ERICH1: variants seen among roughly 807,000 people sequenced by gnomAD.
The protein encoded by ERICH1 is glutamate-rich protein 1.
In ERICH1, 56 loss-of-function variants were observed where a neutral mutation model predicts 39.6. The observed-to-expected ratio is 1.41, with a 90% CI of 1.14 to 1.77. ERICH1 has a LOEUF of 1.77. Ranked by LOEUF, ERICH1 falls within the 40% of genes most tolerant of loss-of-function variation. The pLI, the probability that ERICH1 is intolerant of heterozygous loss-of-function variation, is 0.00. For missense variants in ERICH1, 826 were observed against 575.4 expected (o/e 1.44, Z -4.45); for synonymous variants, 313 against 223.6 (o/e 1.40, Z -3.57).
chr8:705,058 G>A (rs1212685301), intron 2 of ERICH1, among the ~76,000 whole-genome samples: 1 of 152,190 alleles, frequency 6.6e-6, no homozygotes, highest in Non-Finnish European at 1.5e-5. Flanking sequence ...TTATCTTTGG[G>A]ACAAATGGAA....
intron 1 of ERICH1, among the ~76,000 whole-genome samples, chr8:730,707 A>G (rs1258446572): frequency 6.6e-6 from 1 of 152,218 alleles, no homozygotes; most frequent in Non-Finnish European, 1.5e-5. Context: ...TCAGATGAGG[A>G]CACAGTGGCT....
intron 3 of ERICH1, among the ~76,000 whole-genome samples, chr8:691,975 G>C (rs1809001184): frequency 1.3e-5 from 2 of 152,138 alleles, no homozygotes; most frequent in Non-Finnish European, 2.9e-5. Flanking sequence ...CGTATTAAGA[G>C]AATATTGTAT....
intron 3 of ERICH1, among the ~76,000 whole-genome samples, chr8:678,170 G>C (rs1208131021): frequency 6.6e-6 from 1 of 151,946 alleles, no homozygotes; most frequent in Non-Finnish European, 1.5e-5. Context: ...AAAGAGACTG[G>C]ACATCCTTTT....
At chr8:693,045 T>C (rs1225562802) in intron 2 of ERICH1, among the ~76,000 whole-genome samples, 1 of 152,008 alleles carries the variant, frequency 6.6e-6, no homozygotes, top group Non-Finnish European at 1.5e-5. Flanking sequence ...ACAACATGTG[T>C]ACACTGTGGC....
chr8:690,988 G>A (rs1472257623), intron 3 of ERICH1: 3 of 152,332 alleles, frequency 2.0e-5, no homozygotes, highest in Non-Finnish European at 4.4e-5. Context: ...GTCAGAGAGA[G>A]AGGGGTCCCA....
intron 2 of ERICH1, among the ~76,000 whole-genome samples, chr8:698,342 C>T (rs146485898): frequency 1.3e-5 from 2 of 152,106 alleles, no homozygotes; most frequent in East Asian, 3.9e-4. Context: ...CCTCAGTCTC[C>T]CGAGTACCTG....
chr8:618,753 G>A (rs150015954), intron 3 of ERICH1, among the ~76,000 whole-genome samples: 67 of 152,200 alleles, frequency 4.4e-4, no homozygotes, highest in African/African-American at 1.1e-3. Context: ...TGGTGTCGTG[G>A]ACTACCCTGC....
At chr8:632,750 C>G (rs1798121567) in intron 3 of ERICH1, among the ~76,000 whole-genome samples, 1 of 152,160 alleles carries the variant, frequency 6.6e-6, no homozygotes, top group South Asian at 2.1e-4. Context: ...GACAAAAATT[C>G]AGATCATCAG....
intron 3 of ERICH1, chr8:690,946 T>C (rs1808763647): frequency 6.6e-6 from 1 of 152,288 alleles, no homozygotes; most frequent in South Asian, 2.1e-4. Context: ...TCTTCCTTCT[T>C]GTGTGCCGTG....
chr8:691,165 T>C (rs1669750114), intron 3 of ERICH1: 1 of 24,302 alleles, frequency 4.1e-5, no homozygotes, highest in African/African-American at 2.0e-4. Context: ...TTTCCCAACT[T>C]TACCATTTCA....
At chr8:665,530 G>A (rs1354471322) in intron 5 of ERICH1, among the ~76,000 whole-genome samples, 1 of 152,152 alleles carries the variant, frequency 6.6e-6, no homozygotes, top group Non-Finnish European at 1.5e-5. Flanking sequence ...CCCGCCCAGG[G>A]GCAAGTTGCC....
intron 3 of ERICH1, among the ~76,000 whole-genome samples, chr8:623,047 G>A (rs924054246): frequency 1.7e-4 from 26 of 151,814 alleles, no homozygotes; most frequent in African/African-American, 6.3e-4. Flanking sequence ...AACAGAAGAG[G>A]GTTTAACACT....
intron 2 of ERICH1, among the ~76,000 whole-genome samples, chr8:715,113 C>T (rs1414443198): frequency 6.6e-6 from 1 of 151,086 alleles, no homozygotes; most frequent in East Asian, 2.0e-4. Context: ...GTGTTACATC[C>T]AGGTGGTCTC....
intron 1 of ERICH1, among the ~76,000 whole-genome samples, chr8:717,715 C>G (rs1243308622): frequency 6.6e-6 from 1 of 152,250 alleles, no homozygotes; most frequent in Non-Finnish European, 1.5e-5. Flanking sequence ...CTTGCTGGGC[C>G]TGGGGCAGCC....
chr8:673,245 T>A (rs55680904), intron 4 of ERICH1, 44 bp downstream of exon 4: 161,605 of 1,532,390 alleles, frequency 0.11, 11,777 homozygotes, highest in East Asian at 0.38. Flanking sequence ...AATAAACTTT[T>A]AAGTGGATGT....
rs1382940985 is a variant in ERICH1 at position 645,946 on chromosome 8, A to G, written c.976+22652T>C. ...TGCATGTTGAGTGCCGTGTCTGTAC[A>G]TCCGTGAGATGCACTGAGATGCATG... On this transcript the variant is annotated intron_variant, in intron 3 of 3. Coordinates refer to the ERICH1 transcript ENST00000522706. 2.9e-5 allele frequency among the ~76,000 whole-genome samples: 2 copies of G among 69,684 alleles called. 1 individual carries two copies. Among genetic ancestry groups the G allele is most frequent in the African/African-American group, 7.2e-5 (2 of 27,720 alleles). 45.7% of individuals were successfully genotyped at this position (69,684 alleles called of 152,430 possible).
chr8:656,698 C>T (rs1800706945), intron 3 of ERICH1: 1 of 964,014 alleles, frequency 1.0e-6, no homozygotes. Context: ...CATCCCCATT[C>T]ACGCTGTGTC....
At chr8:723,189 A>T (rs1011807973) in intron 1 of ERICH1, among the ~76,000 whole-genome samples, 9 of 152,182 alleles carry the variant, frequency 5.9e-5, no homozygotes, top group Admixed American at 2.0e-4. Context: ...GCCTTCCCCA[A>T]GAGTGGAAGC....
chr8:715,999 C>G lies in ERICH1; in HGVS notation c.31G>C (p.Glu11Gln). MAAHRKHVFV[E>Q]KVLQRLFPPV... ...GGAAAAAGTCTCTGCAGCACCTTCT[C>G]CACAAACACTGTACAGACAACCGAT... The change falls in exon 2 of 6, where the codon GAG (glutamate) becomes CAG (glutamine). Residue 11 changes from glutamate (E) to glutamine (Q), a missense_variant. Glu to Gln is a conservative substitution (Grantham distance 29). Transcript: ENST00000262109. The G allele has an allele frequency of 6.2e-7, 1 of 1,607,662 alleles. No homozygotes were observed. Among genetic ancestry groups the G allele is most frequent in the Non-Finnish European group, 8.5e-7 (1 of 1,178,020 alleles).
Sources: allele counts gnomAD v4.1 joint callset (sites outside exome capture counted in the v4.1 genomes callset), GRCh38; gene constraint gnomAD v4.1.1; transcripts MANE v1.5; gene names NCBI Gene and HGNC (gene_info 2026-07-23, HGNC 2026-07-21).